The following CPQ variants were observed in gnomAD, a reference collection of about 807,000 sequenced individuals.
The protein encoded by CPQ is carboxypeptidase Q.
In CPQ, 37 loss-of-function variants were observed where a neutral mutation model predicts 45.7. The observed-to-expected ratio is 0.81, with a 90% CI of 0.62 to 1.07. The LOEUF is 1.07. Ranked by LOEUF, CPQ falls within the 50% of genes least tolerant of loss-of-function variation. The probability of loss-of-function intolerance (pLI) is 0.00; values close to 1 mark genes in which losing one functional copy is unlikely to be tolerated. For missense variants in CPQ, 537 were observed against 572.9 expected (o/e 0.94, Z 0.64); for synonymous variants, 186 against 205.8 (o/e 0.90, Z 0.82).
intron 6 of CPQ, among the ~76,000 whole-genome samples, chr8:97,043,834 A>C (rs1032849476): frequency 7.2e-5 from 11 of 152,142 alleles, no homozygotes; most frequent in African/African-American, 2.7e-4. Flanking sequence ...TGGCTTGTAG[A>C]GTTTCTGCCG....
chr8:96,947,359 AG>A (rs1302337480), intron 4 of CPQ, among the ~76,000 whole-genome samples: 1 of 152,208 alleles, frequency 6.6e-6, no homozygotes, highest in Non-Finnish European at 1.5e-5. Flanking sequence ...TGCACAACAA[AG>A]AAATTGCCTA....
intron 4 of CPQ, among the ~76,000 whole-genome samples, chr8:96,962,692 G>C (rs897161497): frequency 6.6e-6 from 1 of 152,056 alleles, no homozygotes; most frequent in East Asian, 1.9e-4. Flanking sequence ...TCTTTTGTGA[G>C]GTAACATTAA....
Position 96,666,672 on chromosome 8 carries a change from C to T in CPQ, c.-35+21270C>T, listed in dbSNP as rs945093992. On this transcript the variant is annotated intron_variant, in intron 1 of 7. Coordinates refer to ENST00000220763, the MANE Select transcript of CPQ (RefSeq NM_016134.4). ...CGTCTTGGTTGAGATGACCAGGTGG[C>T]CATTCAAATATGGCTCTTGGCCTCT... is the stretch of plus-strand genomic sequence containing the variant. 2.6e-5 allele frequency among the ~76,000 whole-genome samples: 4 copies of T among 152,170 alleles called. 1 individual carries two copies. The highest frequency in any genetic ancestry group is 5.9e-5 in the Non-Finnish European group (4 of 68,036).
intron 1 of CPQ, among the ~76,000 whole-genome samples, chr8:96,728,881 G>A (rs1189874996): frequency 6.6e-6 from 1 of 152,062 alleles, no homozygotes; most frequent in Non-Finnish European, 1.5e-5. Flanking sequence ...ATCCATCCTG[G>A]CAAATATGTG....
intron 5 of CPQ, among the ~76,000 whole-genome samples, chr8:96,966,359 C>G (rs1384248875): frequency 6.6e-6 from 1 of 152,204 alleles, no homozygotes; most frequent in Non-Finnish European, 1.5e-5. Flanking sequence ...GAAAAATCAG[C>G]AGCACCTCCT....
At chr8:96,983,565 A>G (rs1264535121) in intron 5 of CPQ, among the ~76,000 whole-genome samples, 1 of 152,182 alleles carries the variant, frequency 6.6e-6, no homozygotes, top group East Asian at 1.9e-4. Flanking sequence ...CTGGGAATAG[A>G]GTTCTACATA....
intron 7 of CPQ, among the ~76,000 whole-genome samples, chr8:97,091,606 G>T (rs535216610): frequency 1.3e-5 from 2 of 152,038 alleles, no homozygotes; most frequent in Admixed American, 6.6e-5. Context: ...TGTAGGTGCT[G>T]GTTTTTAAAT....
Position 97,116,242 on chromosome 8 carries a change from T to C in CPQ, c.1256-26778T>C, listed in dbSNP as rs1811591105. On this transcript the variant is annotated intron_variant, in intron 7 of 7. Transcript: ENST00000220763. ...AGGTAGTGAAGAGGGGCTAGGCATA[T>C]CCCTCATGAAGTTAGATGTCTGAAT... Among the ~76,000 whole-genome samples the C allele has an allele frequency of 2.0e-5, 3 of 152,134 alleles. No individual in the cohort carries two copies. In the South Asian group the frequency reaches 6.2e-4, roughly 32 times the overall value.
intron 4 of CPQ, among the ~76,000 whole-genome samples, chr8:96,919,180 G>C (rs1438188427): frequency 6.6e-6 from 1 of 151,876 alleles, no homozygotes; most frequent in East Asian, 1.9e-4. Context: ...GAAAGAAAAG[G>C]GTGTGCCAAG....
At chr8:96,775,511 A>T (rs1389753939) in intron 1 of CPQ, among the ~76,000 whole-genome samples, 2 of 152,156 alleles carry the variant, frequency 1.3e-5, no homozygotes, top group Admixed American at 1.3e-4. Flanking sequence ...CACAGGCAGC[A>T]TATTCATTTG....
chr8:96,815,102 G>T (rs1403418220), intron 2 of CPQ, among the ~76,000 whole-genome samples: 1 of 151,988 alleles, frequency 6.6e-6, no homozygotes, highest in Non-Finnish European at 1.5e-5. Flanking sequence ...TGTGGTGATG[G>T]CTGCATAACT....
intron 1 of CPQ, among the ~76,000 whole-genome samples, chr8:96,773,631 A>C (rs1586394913): frequency 1.3e-5 from 2 of 152,310 alleles, no homozygotes; most frequent in Admixed American, 1.3e-4. Flanking sequence ...GAAAAGTATT[A>C]GTTTGTTTGT....
chr8:97,090,137 T>G (rs1811105396), intron 7 of CPQ, among the ~76,000 whole-genome samples: 1 of 152,152 alleles, frequency 6.6e-6, no homozygotes, highest in Admixed American at 6.5e-5. Context: ...CACGAATGGA[T>G]GTTTGATGGA....
At chr8:96,823,550 T>G (rs957722856) in intron 2 of CPQ, among the ~76,000 whole-genome samples, 18 of 152,076 alleles carry the variant, frequency 1.2e-4, no homozygotes, top group Non-Finnish European at 1.2e-4. Flanking sequence ...TAATATTATC[T>G]GTAGCGTTAT....
chr8:97,136,356 A>G (rs2130628502), intron 7 of CPQ, among the ~76,000 whole-genome samples: 1 of 152,298 alleles, frequency 6.6e-6, no homozygotes, highest in Non-Finnish European at 1.5e-5. Context: ...AGCTGTAATG[A>G]ATTGATCATG....
chr8:97,099,367 GCGATCCATCCA>G (rs1164686911), intron 7 of CPQ, among the ~76,000 whole-genome samples: 2 of 151,626 alleles, frequency 1.3e-5, no homozygotes, highest in East Asian at 3.9e-4. Flanking sequence ...CTGACCTCAG[GCGATCCATCCA>G]CCTTGGCCTC....
rs144659546 is a variant in CPQ at position 96,938,178 on chromosome 8, A to G, written c.850-27757A>G. ...TTTTTAGTCCATTTTCTATGCTTGC[A>G]TATCCATATATAATTGTATCAGTTG... On this transcript the variant is annotated intron_variant, in intron 4 of 7. Coordinates refer to ENST00000220763, the MANE Select transcript of CPQ (RefSeq NM_016134.4). 9.2e-4 allele frequency among the ~76,000 whole-genome samples: 140 copies of G among 152,294 alleles called. 1 individual carries two copies. Among genetic ancestry groups the G allele is most frequent in the African/African-American group, 3.2e-3 (134 of 41,570 alleles).
At chr8:97,081,064 A>T (rs903661494) in intron 7 of CPQ, among the ~76,000 whole-genome samples, 2 of 152,178 alleles carry the variant, frequency 1.3e-5, no homozygotes, top group Non-Finnish European at 2.9e-5. Context: ...GGAAGTTTAA[A>T]CCTAAGAGAA....
intron 4 of CPQ, among the ~76,000 whole-genome samples, chr8:96,929,920 G>A (rs1295459203): frequency 6.6e-6 from 1 of 152,118 alleles, no homozygotes; most frequent in Non-Finnish European, 1.5e-5. Flanking sequence ...AAGAACTCAA[G>A]GGAGAGCTGT....
Sources: allele counts gnomAD v4.1 joint callset (sites outside exome capture counted in the v4.1 genomes callset), GRCh38; gene constraint gnomAD v4.1.1; transcripts MANE v1.5; gene names NCBI Gene and HGNC (gene_info 2026-07-23, HGNC 2026-07-21).